Variants in TMEM130 observed in about 807,000 individuals in gnomAD.
The protein encoded by TMEM130 is transmembrane protein 130.
Under a neutral mutation model 42.9 loss-of-function variants are expected in TMEM130, and 37 were observed. The observed-to-expected ratio is 0.86, with a 90% CI of 0.66 to 1.13. The LOEUF (loss-of-function observed/expected upper bound fraction) is 1.13. Ranked by LOEUF, TMEM130 falls within the 50% of genes most tolerant of loss-of-function variation. The probability of loss-of-function intolerance (pLI) is 0.00; values close to 1 mark genes in which losing one functional copy is unlikely to be tolerated. For synonymous variants in TMEM130, 259 were observed against 237.7 expected (o/e 1.09, Z -0.82); for missense variants, 545 against 562.6 (o/e 0.97, Z 0.32).
intron 5 of TMEM130, among the ~76,000 whole-genome samples, chr7:98,854,147 C>T (rs1794575025): frequency 6.6e-6 from 1 of 151,768 alleles, no homozygotes; most frequent in African/African-American, 2.4e-5. Flanking sequence ...AAGCAATTCC[C>T]CTGCCTCAGC....
chr7:98,855,642 G>A (rs532408906), intron 4 of TMEM130, among the ~76,000 whole-genome samples: 13 of 152,328 alleles, frequency 8.5e-5, no homozygotes, highest in South Asian at 2.1e-4. Flanking sequence ...AGCTGCCCAA[G>A]GGCTCCCTCT....
rs1462083388 is a variant in TMEM130, at chr7:98,860,184, C to T, written c.546G>A (p.Gly182=). The T allele has an allele frequency of 6.2e-7, 1 of 1,612,068 alleles. No homozygotes were observed. The stretch of plus-strand genomic sequence containing the variant: ...GCAGAGGGGTAAGGACCTACCCGTC[C>T]CCGAAGTCCCAGCTGTAGAGAAACA... The part of the protein sequence containing the change: ...TALFLYSWDF[G]DGTQMVTEDS... Residue 182 remains glycine (G), a synonymous_variant, in exon 3 of 8, where the codon GGG becomes GGA. Transcript: ENST00000339375.
At chr7:98,850,630 T>G (rs1554398060) in intron 6 of TMEM130, among the ~76,000 whole-genome samples, 1 of 151,952 alleles carries the variant, frequency 6.6e-6, no homozygotes, top group African/African-American at 2.4e-5. Context: ...CCCAGGCTGG[T>G]CTCAGACTCC....
intron 6 of TMEM130, among the ~76,000 whole-genome samples, chr7:98,848,988 A>G (rs532546312): frequency 6.6e-6 from 1 of 152,284 alleles, no homozygotes; most frequent in African/African-American, 2.4e-5. Context: ...GGACTCAGCG[A>G]CCAGCTCCTA....
Position 98,862,652 on chromosome 7 carries a change from C to G in TMEM130, c.391+443G>C, listed in dbSNP as rs554835550. 5.9e-5 allele frequency among the ~76,000 whole-genome samples: 9 copies of G among 152,122 alleles called. No individual in the cohort carries two copies. In the South Asian group the frequency reaches 1.9e-3, roughly 32 times the overall value. On this transcript the variant is annotated intron_variant, in intron 2 of 7. Coordinates refer to ENST00000339375, the MANE Select transcript of TMEM130 (RefSeq NM_152913.3). ...CAGCTGGGATTATAGGTGCCCACCA[C>G]CATGCCCCCACTAATTTTTGTATTT...
chr7:98,848,917 A>G (rs879948692), intron 6 of TMEM130, among the ~76,000 whole-genome samples: 7 of 152,194 alleles, frequency 4.6e-5, no homozygotes, highest in Non-Finnish European at 7.3e-5. Flanking sequence ...TACATCCACA[A>G]GTTACTTGGT....
intron 2 of TMEM130, among the ~76,000 whole-genome samples, chr7:98,860,545 T>G (rs543033725): frequency 6.6e-6 from 1 of 152,286 alleles, no homozygotes; most frequent in African/African-American, 2.4e-5. Context: ...CCCTGCTGCA[T>G]GAACACTGCT....
chr7:98,850,267 A>ATCTTTTTTTT (rs1161479294), intron 6 of TMEM130, among the ~76,000 whole-genome samples: 1 of 28,832 alleles, frequency 3.5e-5, no homozygotes, highest in African/African-American at 1.2e-4. Context: ...ATATATATAT[A>ATCTTTTTTTT]TATATATTTT....
At chr7:98,850,665 C>CA (rs1168309949) in intron 6 of TMEM130, among the ~76,000 whole-genome samples, 3 of 152,088 alleles carry the variant, frequency 2.0e-5, no homozygotes, top group East Asian at 3.9e-4. Context: ...CCACCCGCCT[C>CA]AGCCTCCCAG....
chr7:98,848,513 C>T, intron 7 of TMEM130, 70 bp downstream of exon 7: 1 of 1,154,494 alleles, frequency 8.7e-7, no homozygotes, highest in South Asian at 1.2e-5. Context: ...GGCCTGGCCC[C>T]CATACCCTCT....
intron 6 of TMEM130, among the ~76,000 whole-genome samples, chr7:98,850,441 C>A (rs1554398047): frequency 5.3e-5 from 8 of 151,072 alleles, no homozygotes; most frequent in Non-Finnish European, 1.5e-5. Flanking sequence ...CCACACCCAG[C>A]TAACTTTTTG....
At chr7:98,868,061 T>C (rs1794948376) in intron 1 of TMEM130, among the ~76,000 whole-genome samples, 1 of 152,114 alleles carries the variant, frequency 6.6e-6, no homozygotes, top group African/African-American at 2.4e-5. Flanking sequence ...AAGCCCTATC[T>C]CTACTAAAAA....
In TMEM130 at chr7:98,858,534, C is replaced by G. The variant is rs1554399342; in HGVS notation, c.551+1645G>C. ...TCTAGCCTGGGTGACAGAGCAAGACCTTGTCTCTAAAAATGGAGGGCGGGG... is the reference window on the plus strand; with the variant it reads ...TCTAGCCTGGGTGACAGAGCAAGACGTTGTCTCTAAAAATGGAGGGCGGGG... On this transcript the variant is annotated intron_variant, in intron 3 of 7. Transcript: ENST00000339375. Among the ~76,000 whole-genome samples, 20 of 151,870 alleles carry G rather than the reference C, an allele frequency of 1.3e-4. 1 individual carries two copies.
chr7:98,849,706 C>G (rs983588455), intron 6 of TMEM130, among the ~76,000 whole-genome samples: 63 of 152,124 alleles, frequency 4.1e-4, no homozygotes, highest in African/African-American at 1.4e-3. Context: ...CTTGGGAGCA[C>G]TGGGAAGAAC....
intron 6 of TMEM130, among the ~76,000 whole-genome samples, chr7:98,850,271 A>ATTTT (rs1290884464): frequency 7.7e-4 from 26 of 33,872 alleles, no homozygotes; most frequent in Admixed American, 3.6e-3. Flanking sequence ...ATATATATAT[A>ATTTT]TATTTTTTTT....
chr7:98,852,116 T>TTTTAA (rs1296015170), intron 5 of TMEM130, among the ~76,000 whole-genome samples: 6 of 151,872 alleles, frequency 4.0e-5, no homozygotes, highest in South Asian at 2.1e-4. Flanking sequence ...CCAACTAATT[T>TTTTAA]TTTAATTTAA....
In TMEM130 at chr7:98,855,302, C is replaced by T; in HGVS notation, c.741G>A (p.Val247=). The T allele has an allele frequency of 6.2e-7, 1 of 1,613,298 alleles. No homozygotes were observed. Among genetic ancestry groups the T allele is most frequent in the Non-Finnish European group, 8.5e-7 (1 of 1,179,538 alleles). The change falls in exon 5 of 8, where the codon GTG becomes GTA. Residue 247 remains valine, a synonymous_variant. Coordinates refer to ENST00000339375, the MANE Select transcript of TMEM130 (RefSeq NM_152913.3). ...KLQETLRGIQ[V]LGPTLIQTFQ... ...AGGTCTGAATTAGGGTGGGCCCCAACACTTGGATGCCTCGAAGGGTTTCTG... is the reference window on the plus strand; with the variant it reads ...AGGTCTGAATTAGGGTGGGCCCCAATACTTGGATGCCTCGAAGGGTTTCTG...
In TMEM130 at chr7:98,858,667, A is replaced by G. The variant is rs375816347; in HGVS notation, c.551+1512T>C. Among the ~76,000 whole-genome samples, 13 of 152,226 alleles carry G rather than the reference A, an allele frequency of 8.5e-5. No homozygotes were observed. The East Asian group carries it at 2.3e-3, about 27-fold the overall frequency. ...GGAGGTCGAGACCAGCCTGGGCAAC[A>G]TAGTAAGATCCTGTCTCTACAAAAA... is the stretch of plus-strand genomic sequence containing the variant. On this transcript the variant is annotated intron_variant, in intron 3 of 7. Transcript: ENST00000339375.
intron 2 of TMEM130, 51 bp from the exon 3 acceptor site, chr7:98,860,389 G>A (rs1554399647): frequency 2.0e-6 from 3 of 1,526,578 alleles, no homozygotes; most frequent in Non-Finnish European, 1.8e-6. Flanking sequence ...TCAGGGATCA[G>A]GAAACCAGGT....
Sources: allele counts gnomAD v4.1 joint callset (sites outside exome capture counted in the v4.1 genomes callset), GRCh38; gene constraint gnomAD v4.1.1; transcripts MANE v1.5; gene names NCBI Gene and HGNC (gene_info 2026-07-23, HGNC 2026-07-21).